The following PCLO variants were observed in gnomAD, a reference collection of about 807,000 sequenced individuals.
The protein encoded by PCLO is protein piccolo.
PCLO carries 82 observed loss-of-function variants against 427.5 expected under a neutral mutation model. The observed-to-expected ratio is 0.19, with a 90% confidence interval of 0.16 to 0.23. The LOEUF (loss-of-function observed/expected upper bound fraction) is 0.23, where lower values mean the gene tolerates loss of function less well. Ranked by LOEUF, PCLO falls within the 10% of genes least tolerant of loss-of-function variation. The pLI, the probability that PCLO is intolerant of heterozygous loss-of-function variation, is 1.00. For missense variants in PCLO, 6,239 were observed against 6,115.9 expected (o/e 1.02, Z -0.67); for synonymous variants, 2,357 against 2,155.4 (o/e 1.09, Z -2.59).
chr7:82,949,506 C>T lies in PCLO; in HGVS notation c.11082G>A (p.Arg3694=). The change falls in exon 6 of 25, where the codon AGG becomes AGA. Residue 3694 remains arginine (R), a synonymous_variant. Coordinates refer to ENST00000333891, the MANE Select transcript of PCLO (RefSeq NM_033026.6). ...AGCCCTCGGTATACTGAAAAGGAGC[C>T]CTGGAACTTTCGTCTGCTGTTGGAC... The part of the protein sequence containing the change: ...PLSPTADESS[R]APFQYTEGYT... The T allele has an allele frequency of 6.2e-7, 1 of 1,609,986 alleles. No homozygotes were observed. Among genetic ancestry groups the T allele is most frequent in the East Asian group, 2.2e-5 (1 of 44,850 alleles).
intron 10 of PCLO, among the ~76,000 whole-genome samples, chr7:82,876,417 G>A (rs1247889636): frequency 6.7e-6 from 1 of 149,302 alleles, no homozygotes; most frequent in African/African-American, 2.5e-5. Context: ...AGGATATAGT[G>A]TATAAATTAA....
At chr7:82,813,220 C>A (rs1791609919) in intron 20 of PCLO, among the ~76,000 whole-genome samples, 1 of 151,660 alleles carries the variant, frequency 6.6e-6, no homozygotes, top group African/African-American at 2.4e-5. Flanking sequence ...TTGATAAATG[C>A]ACGTCTGGTC....
intron 3 of PCLO, among the ~76,000 whole-genome samples, chr7:83,015,177 C>T (rs1437866038): frequency 6.6e-6 from 1 of 152,110 alleles, no homozygotes; most frequent in Non-Finnish European, 1.5e-5. Context: ...CACTATACTG[C>T]TTTGCACAAT....
At chr7:83,028,682 G>A (rs1471527159) in intron 3 of PCLO, among the ~76,000 whole-genome samples, 4 of 151,014 alleles carry the variant, frequency 2.6e-5, no homozygotes, top group Non-Finnish European at 5.9e-5. Flanking sequence ...AAAGCTGGAG[G>A]CATCACGCTA....
At position 83,003,237 on chromosome 7, in the gene PCLO, A is replaced by G. The variant is rs1408909318; in HGVS notation, c.3301-36750T>C. On this transcript the variant is annotated intron_variant, in intron 3 of 24. Transcript: ENST00000333891. ...CTCAAATATATATTATTTTATGCAT[A>G]CGTTTATATGTAATATTATATACTA... is the stretch of plus-strand genomic sequence containing the variant. Among the ~76,000 whole-genome samples, 5 of 151,554 alleles carry G rather than the reference A, an allele frequency of 3.3e-5. No homozygotes were observed. In the South Asian group the frequency reaches 1.0e-3, roughly 31 times the overall value.
chr7:82,805,627 T>G, intron 21 of PCLO, 61 bp downstream of exon 21: 800 of 1,510,434 alleles, frequency 5.3e-4, no homozygotes, highest in Non-Finnish European at 6.7e-4. Flanking sequence ...TGTTAACTGT[T>G]GAGAATGCCT....
chr7:82,911,818 T>C (rs1794328949), intron 7 of PCLO, among the ~76,000 whole-genome samples: 1 of 152,104 alleles, frequency 6.6e-6, no homozygotes, highest in Non-Finnish European at 1.5e-5. Context: ...AGATGGGGTT[T>C]CACCATGTTG....
intron 2 of PCLO, among the ~76,000 whole-genome samples, chr7:83,148,145 C>T (rs571737955): frequency 1.3e-5 from 2 of 152,282 alleles, no homozygotes; most frequent in South Asian, 4.1e-4. Flanking sequence ...CACACCCTTT[C>T]CTTTCTTAGT....
intron 18 of PCLO, among the ~76,000 whole-genome samples, chr7:82,825,075 T>A (rs888086593): frequency 6.6e-5 from 10 of 152,158 alleles, no homozygotes; most frequent in Admixed American, 2.6e-4. Flanking sequence ...AATGAGTAAG[T>A]TGCAATTACA....
rs73707549 is a variant in PCLO at position 83,113,051 on chromosome 7, A to C, written c.3300+21199T>G. Among the ~76,000 whole-genome samples the C allele has an allele frequency of 8.5e-3, 1,289 of 152,318 alleles. 10 individuals are homozygous for C. The highest frequency in any genetic ancestry group is 0.029 in the African/African-American group (1,219 of 41,558). Reference sequence around the variant, plus strand: ...TTGATACCACACACCTAAATCTGGCAGCAGTAGCTATCAAAGCTAGCATTT... The same window carrying C: ...TTGATACCACACACCTAAATCTGGCCGCAGTAGCTATCAAAGCTAGCATTT... On this transcript the variant is annotated intron_variant, in intron 3 of 24. Transcript: ENST00000333891.
intron 4 of PCLO, among the ~76,000 whole-genome samples, chr7:82,961,026 A>T (rs554467759): frequency 6.6e-6 from 1 of 152,312 alleles, no homozygotes; most frequent in South Asian, 2.1e-4. Context: ...GGGCACAGAA[A>T]TTCAGTTCCC....
intron 4 of PCLO, among the ~76,000 whole-genome samples, chr7:82,959,545 C>G (rs1164023926): frequency 6.6e-6 from 1 of 151,994 alleles, no homozygotes; most frequent in Non-Finnish European, 1.5e-5. Context: ...CAGATTAGGA[C>G]CAGACTTATA....
chr7:83,057,341 TATATATA>T (rs1188399333), intron 3 of PCLO, among the ~76,000 whole-genome samples: 107 of 23,472 alleles, frequency 4.6e-3, no homozygotes, highest in East Asian at 6.2e-3. Flanking sequence ...TATATATATA[TATATATA>T]TTTTTTTTTT....
chr7:82,768,358 G>C (rs62466887), intron 22 of PCLO, among the ~76,000 whole-genome samples: 23 of 151,782 alleles, frequency 1.5e-4, no homozygotes, highest in African/African-American at 5.6e-4. Flanking sequence ...GGGAGGCAGA[G>C]GTTGTAGTGA....
intron 16 of PCLO, among the ~76,000 whole-genome samples, chr7:82,834,485 T>C (rs1187658277): frequency 6.6e-6 from 1 of 152,190 alleles, no homozygotes; most frequent in Non-Finnish European, 1.5e-5. Flanking sequence ...ATTTATGCTT[T>C]TAAAAATCAG....
chr7:82,855,645 T>C (rs902233501), intron 10 of PCLO, among the ~76,000 whole-genome samples: 1 of 152,130 alleles, frequency 6.6e-6, no homozygotes, highest in Non-Finnish European at 1.5e-5. Context: ...ATATATCACT[T>C]ATGGTGAGTA....
At chr7:82,919,119 A>G (rs1169995674) in intron 6 of PCLO, among the ~76,000 whole-genome samples, 1 of 151,994 alleles carries the variant, frequency 6.6e-6, no homozygotes, top group Non-Finnish European at 1.5e-5. Context: ...CTGACCAATC[A>G]CTATACTTGT....
intron 3 of PCLO, among the ~76,000 whole-genome samples, chr7:82,972,894 C>T (rs564105229): frequency 6.6e-6 from 1 of 151,930 alleles, no homozygotes; most frequent in Non-Finnish European, 1.5e-5. Context: ...ACAAATACAC[C>T]AATTGGGGAG....
intron 10 of PCLO, among the ~76,000 whole-genome samples, chr7:82,848,304 GT>G (rs71522632): frequency 0.053 from 4,447 of 83,832 alleles, 173 homozygotes; most frequent in African/African-American, 0.12. Context: ...CCATTAGTTA[GT>G]TTTTTTTTTT....
Sources: gnomAD v4.1 joint callset for allele counts (sites outside exome capture counted in the v4.1 genomes callset) on GRCh38, gnomAD v4.1.1 for gene constraint, MANE v1.5 for transcripts, NCBI Gene and HGNC (gene_info 2026-07-23, HGNC 2026-07-21) for gene names.